Variants in BTRC observed in about 807,000 individuals in gnomAD.
BTRC encodes beta-transducin repeat containing E3 ubiquitin protein ligase.
A neutral mutation model predicts 85.5 loss-of-function variants in BTRC; 42 were observed. That is an observed-to-expected ratio of 0.49 (90% confidence interval 0.38 to 0.64). The LOEUF is 0.64. Among genes scored for constraint, BTRC ranks in the 30% least tolerant of loss-of-function variants. BTRC has a pLI of 0.00. For synonymous variants in BTRC, 255 were observed against 263.3 expected (o/e 0.97, Z 0.30); for missense variants, 594 against 743.5 (o/e 0.80, Z 2.34).
intron 6 of BTRC, 78 bp downstream of exon 6, chr10:101,526,277 C>T (rs1339154884): frequency 3.2e-6 from 4 of 1,250,114 alleles, no homozygotes; most frequent in Non-Finnish European, 4.5e-6. Flanking sequence ...TTTTGGGGAG[C>T]CAATGAGACC....
chr10:101,396,527 G>T (rs764480986), intron 1 of BTRC, among the ~76,000 whole-genome samples: 4 of 149,814 alleles, frequency 2.7e-5, no homozygotes, highest in Non-Finnish European at 5.9e-5. Flanking sequence ...CACTTGTTCT[G>T]TGGTACTCTT....
At chr10:101,396,139 A>G (rs1216674370) in intron 1 of BTRC, among the ~76,000 whole-genome samples, 1 of 151,732 alleles carries the variant, frequency 6.6e-6, no homozygotes, top group Non-Finnish European at 1.5e-5. Context: ...CTGGTACAAC[A>G]AAGAGTCATA....
chr10:101,501,068 C>T (rs1198163310), intron 4 of BTRC, among the ~76,000 whole-genome samples: 1 of 151,964 alleles, frequency 6.6e-6, no homozygotes, highest in South Asian at 2.1e-4. Context: ...TGGTGGCACA[C>T]GCCTGTAGTC....
chr10:101,409,067 C>CA (rs1447342307), intron 1 of BTRC, among the ~76,000 whole-genome samples: 1 of 151,760 alleles, frequency 6.6e-6, no homozygotes, highest in Middle Eastern at 3.4e-3. Context: ...AAACAAAAAA[C>CA]AAAAAAAGCC....
At chr10:101,364,878 C>T (rs1175647601) in intron 1 of BTRC, 2 of 147,238 alleles carry the variant, frequency 1.4e-5, no homozygotes, top group East Asian at 4.0e-4. Context: ...TACTGCAATA[C>T]CAGGTCGATG....
At chr10:101,521,941 T>G (rs774991791) in intron 5 of BTRC, 71 bp downstream of exon 5, 13 of 1,206,464 alleles carry the variant, frequency 1.1e-5, no homozygotes, top group Admixed American at 2.3e-5. Flanking sequence ...CAGCTATATA[T>G]CTCTCTTTAA....
At chr10:101,362,516 C>T (rs997825866) in intron 1 of BTRC, among the ~76,000 whole-genome samples, 15 of 152,160 alleles carry the variant, frequency 9.9e-5, no homozygotes, top group African/African-American at 3.4e-4. Flanking sequence ...CTGCCTCAGC[C>T]TCCCGAGTAG....
intron 1 of BTRC, among the ~76,000 whole-genome samples, chr10:101,369,419 C>A (rs1942570010): frequency 6.6e-6 from 1 of 152,022 alleles, no homozygotes; most frequent in Admixed American, 6.6e-5. Context: ...TTGAATTGTT[C>A]CCTATTTGGC....
intron 1 of BTRC, among the ~76,000 whole-genome samples, chr10:101,422,739 T>A (rs1261133984): frequency 6.6e-6 from 1 of 152,196 alleles, no homozygotes; most frequent in Non-Finnish European, 1.5e-5. Context: ...CTTTCCCCAT[T>A]TCTTGTTTTT....
At chr10:101,374,876 T>C (rs17687831) in intron 1 of BTRC, among the ~76,000 whole-genome samples, 54,499 of 152,018 alleles carry the variant, frequency 0.36, 10,931 homozygotes, top group Middle Eastern at 0.48. Flanking sequence ...CAAATTGTTA[T>C]GTGAGAGAAA....
At chr10:101,473,644 T>A (rs1289580877) in intron 3 of BTRC, among the ~76,000 whole-genome samples, 1 of 151,872 alleles carries the variant, frequency 6.6e-6, no homozygotes, top group Non-Finnish European at 1.5e-5. Flanking sequence ...CTAATTTTTG[T>A]ATTTTTGGTA....
chr10:101,468,054 A>C (rs1364084975), intron 3 of BTRC, among the ~76,000 whole-genome samples: 2 of 152,194 alleles, frequency 1.3e-5, no homozygotes, highest in African/African-American at 4.8e-5. Flanking sequence ...ACGGTTTGGC[A>C]ATTTGTGCCT....
At chr10:101,485,443 A>G (rs981175284) in intron 4 of BTRC, among the ~76,000 whole-genome samples, 3 of 152,230 alleles carry the variant, frequency 2.0e-5, no homozygotes, top group Non-Finnish European at 4.4e-5. Flanking sequence ...CTTCCAGCAG[A>G]GCAGATCTGC....
At chr10:101,546,114 A>C (rs748568319) in intron 13 of BTRC, among the ~76,000 whole-genome samples, 1 of 152,244 alleles carries the variant, frequency 6.6e-6, no homozygotes, top group Non-Finnish European at 1.5e-5. Flanking sequence ...CAGTACCATC[A>C]ATCAAGTGGA....
intron 1 of BTRC, among the ~76,000 whole-genome samples, chr10:101,407,175 T>C (rs1943649705): frequency 6.6e-6 from 1 of 152,038 alleles, no homozygotes; most frequent in Non-Finnish European, 1.5e-5. Flanking sequence ...CTGGGTAATA[T>C]AGCAAGAACT....
chr10:101,500,057 A>C (rs1187706982), intron 4 of BTRC, among the ~76,000 whole-genome samples: 1 of 151,118 alleles, frequency 6.6e-6, no homozygotes, highest in African/African-American at 2.4e-5. Flanking sequence ...TGGGTTTTTT[A>C]TATCTAGTTG....
chr10:101,476,068 G>C (rs1365739220), intron 3 of BTRC, among the ~76,000 whole-genome samples: 1 of 151,496 alleles, frequency 6.6e-6, no homozygotes, highest in Non-Finnish European at 1.5e-5. Flanking sequence ...CTTCTGATTT[G>C]ATGCAGTGAG....
intron 9 of BTRC, among the ~76,000 whole-genome samples, chr10:101,533,474 C>T (rs1194639244): frequency 6.6e-6 from 1 of 152,116 alleles, no homozygotes; most frequent in Non-Finnish European, 1.5e-5. Flanking sequence ...GAGCTGTGCT[C>T]TCTTTGCCAG....
intron 4 of BTRC, among the ~76,000 whole-genome samples, chr10:101,497,115 T>C (rs1480296557): frequency 6.6e-6 from 1 of 152,202 alleles, no homozygotes; most frequent in East Asian, 1.9e-4. Context: ...GAGAATTCTT[T>C]GTTTTCCAGT....
Sources: gnomAD v4.1 joint callset for allele counts (sites outside exome capture counted in the v4.1 genomes callset) on GRCh38, gnomAD v4.1.1 for gene constraint, MANE v1.5 for transcripts, NCBI Gene and HGNC (gene_info 2026-07-23, HGNC 2026-07-21) for gene names.